The following RIMBP2 variants were observed in gnomAD, a reference collection of about 807,000 sequenced individuals.
The protein encoded by RIMBP2 is RIMS binding protein 2.
Under a neutral mutation model 118.6 loss-of-function variants are expected in RIMBP2, and 48 were observed. That is an observed-to-expected ratio of 0.40 (90% CI 0.32 to 0.51). The LOEUF (loss-of-function observed/expected upper bound fraction) is 0.51, where lower values mean the gene tolerates loss of function less well. RIMBP2 is among the 20% of genes least tolerant of loss of function. The pLI is 0.41. For synonymous variants in RIMBP2, 762 were observed against 742.9 expected (o/e 1.03, Z -0.42); for missense variants, 1,551 against 1,768.3 (o/e 0.88, Z 2.20).
intron 21 of RIMBP2, among the ~76,000 whole-genome samples, chr12:130,401,754 T>C (rs896096769): frequency 6.6e-6 from 1 of 152,142 alleles, no homozygotes; most frequent in African/African-American, 2.4e-5. Flanking sequence ...TCAAAAGTTA[T>C]AACCAGTCAA....
At chr12:130,569,697 C>T (rs796139509) in intron 2 of RIMBP2, among the ~76,000 whole-genome samples, 1 of 152,208 alleles carries the variant, frequency 6.6e-6, no homozygotes, top group Non-Finnish European at 1.5e-5. Context: ...CTCTCTCGCT[C>T]CTGCACTCAC....
At position 130,646,399 on chromosome 12, in the gene RIMBP2, C is replaced by T. The variant is rs546170325; in HGVS notation, c.-351-17943G>A. ...CCTCCCTCACCACCTCCCTCACCAC[C>T]TGCCTCTCCACCTCCCTCACCACTT... On this transcript the variant is annotated intron_variant, in intron 1 of 22. Transcript: ENST00000690449. Among the ~76,000 whole-genome samples the T allele has an allele frequency of 4.1e-4, 51 of 125,914 alleles. 1 individual carries two copies. The highest frequency in any genetic ancestry group is 7.7e-4 in the Admixed American group (9 of 11,754). The allele number at this position is 125,914 out of a possible 152,430, so 82.6% of individuals were successfully genotyped here.
intron 2 of RIMBP2, among the ~76,000 whole-genome samples, chr12:130,572,497 C>T (rs1298141335): frequency 6.6e-6 from 1 of 152,090 alleles, no homozygotes; most frequent in Non-Finnish European, 1.5e-5. Context: ...CGGCTGGAGA[C>T]GACCTGATTC....
intron 2 of RIMBP2, among the ~76,000 whole-genome samples, chr12:130,553,446 T>C (rs1008056328): frequency 2.6e-5 from 4 of 152,212 alleles, no homozygotes; most frequent in African/African-American, 9.6e-5. Flanking sequence ...TATATGTCAA[T>C]ATATCAATCT....
chr12:130,523,594 C>T lies in RIMBP2; in HGVS notation c.-216-5677G>A, dbSNP rs777782036. Reference sequence around the variant, plus strand: ...CCCATTTCAATGGACAAGGTGGCCGCTTCTCTGGGGGAGAAACTGACAAGA... The same window carrying T: ...CCCATTTCAATGGACAAGGTGGCCGTTTCTCTGGGGGAGAAACTGACAAGA... On this transcript the variant is annotated intron_variant, in intron 2 of 22. Transcript: ENST00000690449. The surrounding 1 kb of genome is among the most constrained non-coding windows in gnomAD (Gnocchi z 4.4). Among the ~76,000 whole-genome samples, 3 of 152,242 alleles carry T rather than the reference C, an allele frequency of 2.0e-5. No individual in the cohort carries two copies. The highest frequency in any genetic ancestry group is 6.5e-5 in the Admixed American group (1 of 15,286).
chr12:130,662,459 C>T (rs1371674620), intron 1 of RIMBP2, among the ~76,000 whole-genome samples: 2 of 152,052 alleles, frequency 1.3e-5, no homozygotes, highest in Non-Finnish European at 2.9e-5. Context: ...AGATCGAGAC[C>T]ATCCTGGCCA....
In RIMBP2 at chr12:130,593,551, G is replaced by C. The variant is rs192859083; in HGVS notation, c.-217+34771C>G. ...GTCCCGCACCCTTGGCGGCTGGAGGGAGAGGAGAATCTGGGTGCTCCGTGG... is the reference window on the plus strand; with the variant it reads ...GTCCCGCACCCTTGGCGGCTGGAGGCAGAGGAGAATCTGGGTGCTCCGTGG... On this transcript the variant is annotated intron_variant, in intron 2 of 22. Coordinates refer to ENST00000690449, the MANE Select transcript of RIMBP2 (RefSeq NM_001393629.1). 3.8e-3 allele frequency among the ~76,000 whole-genome samples: 580 copies of C among 152,346 alleles called. 4 individuals are homozygous for C. The highest frequency in any genetic ancestry group is 6.0e-3 in the Non-Finnish European group (408 of 68,032).
intron 6 of RIMBP2, among the ~76,000 whole-genome samples, chr12:130,463,998 T>G (rs2080236470): frequency 6.6e-6 from 1 of 152,102 alleles, no homozygotes; most frequent in South Asian, 2.1e-4. Flanking sequence ...CATGACAGTT[T>G]ACAGACGCCA....
In RIMBP2 at chr12:130,670,358, A is replaced by G. The variant is rs2064143033; in HGVS notation, c.-351-41902T>C. Among the ~76,000 whole-genome samples the G allele has an allele frequency of 6.6e-6, 1 of 152,160 alleles. No individual in the cohort carries two copies. The highest frequency in any genetic ancestry group is 2.1e-4 in the South Asian group (1 of 4,822). On this transcript the variant is annotated intron_variant, in intron 1 of 22. Transcript: ENST00000690449. This position sits in a 1 kb window ranked among gnomAD's most constrained non-coding sequence, Gnocchi z 4.9. ...GCATGGAGAAGCGGATCTTCCCGGC[A>G]GCCACCAGCGTGTGAGCATTTTGCC... is the stretch of plus-strand genomic sequence containing the variant.
intron 2 of RIMBP2, among the ~76,000 whole-genome samples, chr12:130,591,642 G>T (rs370919359): frequency 1.3e-5 from 2 of 152,256 alleles, no homozygotes; most frequent in East Asian, 1.9e-4. Flanking sequence ...TCCAGCCTCC[G>T]CCCTGACCCT....
chr12:130,535,738 C>CATATATATATATATATATATATAT (rs55887629), intron 2 of RIMBP2, among the ~76,000 whole-genome samples: 4 of 66,732 alleles, frequency 6.0e-5, no homozygotes, highest in African/African-American at 8.0e-5. Flanking sequence ...CATATATATA[C>CATATATATATATATATATATATAT]ATATATATAT....
chr12:130,424,471 AGCCAAACCGCGACTC>A lies in RIMBP2; in HGVS notation c.2785_2799del (p.Glu929_Gly933del). ...CTGCACGCGGCCACGGTGTTTCCGA[AGCCAAACCGCGACTC>A]GTCCTCTTCACTCCCACAGTCCAGG... On this transcript the variant is annotated inframe_deletion, in exon 16 of 23. Transcript: ENST00000690449. This position sits in a 1 kb window ranked among gnomAD's most constrained non-coding sequence, Gnocchi z 9.8. 1.6e-6 allele frequency: 2 copies of A among 1,232,030 alleles called. No homozygotes were observed. The highest frequency in any genetic ancestry group is 2.0e-6 in the Non-Finnish European group (2 of 987,802). 76.3% of individuals were successfully genotyped at this position (1,232,030 alleles called of 1,614,324 possible).
At chr12:130,626,399 C>T (rs900783959) in intron 2 of RIMBP2, among the ~76,000 whole-genome samples, 13 of 141,612 alleles carry the variant, frequency 9.2e-5, no homozygotes, top group African/African-American at 3.5e-4. Context: ...TCACGACTAC[C>T]GCCAGCATCA....
intron 15 of RIMBP2, chr12:130,425,525 T>A (rs2076727421): frequency 6.6e-6 from 1 of 152,484 alleles, no homozygotes; most frequent in Admixed American, 6.5e-5. Context: ...CTCCTCTGCA[T>A]CCTGCATCAA....
chr12:130,508,024 A>G (rs1037758694), intron 3 of RIMBP2, among the ~76,000 whole-genome samples: 7 of 152,160 alleles, frequency 4.6e-5, no homozygotes, highest in Admixed American at 3.3e-4. Flanking sequence ...GGAATATTTT[A>G]ATGCCATTTT....
intron 2 of RIMBP2, among the ~76,000 whole-genome samples, chr12:130,566,709 GCCAGA>G (rs1269452821): frequency 6.6e-6 from 1 of 152,240 alleles, no homozygotes; most frequent in Admixed American, 6.5e-5. Context: ...AGAAGCTGAA[GCCAGA>G]CCAGGCAGCC....
In RIMBP2 at chr12:130,695,931, G is replaced by A. The variant is rs191295800; in HGVS notation, c.-352+20291C>T. Among the ~76,000 whole-genome samples the A allele has an allele frequency of 1.4e-3, 207 of 152,046 alleles. 1 individual carries two copies. Among genetic ancestry groups the A allele is most frequent in the African/African-American group, 3.5e-3 (145 of 41,486 alleles). On this transcript the variant is annotated intron_variant, in intron 1 of 22. Transcript: ENST00000690449. The stretch of plus-strand genomic sequence containing the variant: ...ATACTGCAGCAACTAGATGAAATAC[G>A]TTGCCATTTACAAAAATGAAGACCC...
chr12:130,509,526 C>T (rs2050692013), intron 3 of RIMBP2, among the ~76,000 whole-genome samples: 3 of 152,228 alleles, frequency 2.0e-5, no homozygotes, highest in Admixed American at 6.5e-5. Context: ...TAAGTCACAG[C>T]CCTAAGGGCA....
intron 11 of RIMBP2, among the ~76,000 whole-genome samples, chr12:130,439,130 CGTGT>C (rs748655683): frequency 6.6e-6 from 1 of 151,606 alleles, no homozygotes; most frequent in Non-Finnish European, 1.5e-5. Context: ...TCCATTTCTG[CGTGT>C]GTGTGTATAT....
Sources: allele counts gnomAD v4.1 joint callset (sites outside exome capture counted in the v4.1 genomes callset), GRCh38; gene constraint gnomAD v4.1.1; non-coding constraint Gnocchi (gnomAD v3.1); transcripts MANE v1.5; gene names NCBI Gene and HGNC (gene_info 2026-07-23, HGNC 2026-07-21).